Variants in DOCK3 observed in about 807,000 individuals in gnomAD.
DOCK3 encodes the protein dedicator of cytokinesis protein 3.
In DOCK3, 60 loss-of-function variants were observed where a neutral mutation model predicts 265.6. The ratio of observed to expected loss-of-function variants is 0.23; its 90% confidence interval spans 0.18 to 0.28. The LOEUF (loss-of-function observed/expected upper bound fraction) is 0.28. DOCK3 is among the 10% of genes least tolerant of loss of function. The probability of loss-of-function intolerance (pLI) is 1.00; values close to 1 mark genes in which losing one functional copy is unlikely to be tolerated. For missense variants in DOCK3, 1,981 were observed against 2,594.3 expected (o/e 0.76, Z 5.14); for synonymous variants, 881 against 938.0 (o/e 0.94, Z 1.11).
In DOCK3 at chr3:51,374,628, T is replaced by C; in HGVS notation, c.5412+41T>C. ...CACTGACTGTCCTCTGCTGCAAGTGTGTTAGCCTGTGCTTCCCTCCTTGCA... is the reference window on the plus strand; with the variant it reads ...CACTGACTGTCCTCTGCTGCAAGTGCGTTAGCCTGTGCTTCCCTCCTTGCA... On this transcript the variant is annotated intron_variant, in intron 50 of 52. Transcript: ENST00000266037. This position sits in a 1 kb window ranked among gnomAD's most constrained non-coding sequence, Gnocchi z 4.8. 6.5e-7 allele frequency: 1 copy of C among 1,549,206 alleles called. No individual in the cohort carries two copies. Among genetic ancestry groups the C allele is most frequent in the Non-Finnish European group, 8.8e-7 (1 of 1,134,702 alleles).
intron 1 of DOCK3, among the ~76,000 whole-genome samples, chr3:50,774,031 A>G (rs771520923): frequency 2.0e-5 from 3 of 152,068 alleles, no homozygotes; most frequent in Non-Finnish European, 4.4e-5. Flanking sequence ...AATATAGCCA[A>G]ATATTCCCAG....
intron 1 of DOCK3, among the ~76,000 whole-genome samples, chr3:50,725,065 T>C (rs1475995173): frequency 1.3e-5 from 2 of 151,732 alleles, no homozygotes; most frequent in Non-Finnish European, 2.9e-5. Flanking sequence ...AGATCCAACA[T>C]GTTCAAGGAA....
intron 9 of DOCK3, among the ~76,000 whole-genome samples, chr3:51,145,888 A>G (rs4927967): frequency 0.91 from 138,808 of 152,232 alleles, 63,430 homozygotes; most frequent in African/African-American, 0.95. Context: ...GCATTAGTTA[A>G]ATTCTCATAA....
intron 5 of DOCK3, among the ~76,000 whole-genome samples, chr3:50,983,705 C>T (rs1559898180): frequency 6.6e-6 from 1 of 152,184 alleles, no homozygotes; most frequent in African/African-American, 2.4e-5. Flanking sequence ...CTCCACTTGC[C>T]TGCATATCTC....
rs550376889 is a variant in DOCK3, at chr3:51,189,329, G to A, written c.1038-19445G>A. Among the ~76,000 whole-genome samples the A allele has an allele frequency of 2.0e-5, 3 of 152,092 alleles. No individual in the cohort carries two copies. The East Asian group carries it at 5.8e-4, about 29-fold the overall frequency. Reference sequence around the variant, plus strand: ...TTGGGTTACATGGATGAATTGTATAGTGGTGAAGTCAGATTTTTGTGCACC... The same window carrying A: ...TTGGGTTACATGGATGAATTGTATAATGGTGAAGTCAGATTTTTGTGCACC... On this transcript the variant is annotated intron_variant, in intron 12 of 52. Transcript: ENST00000266037.
At chr3:50,850,904 G>C (rs550744504) in intron 3 of DOCK3, among the ~76,000 whole-genome samples, 1 of 152,354 alleles carries the variant, frequency 6.6e-6, no homozygotes, top group Non-Finnish European at 1.5e-5. Flanking sequence ...TTTACTGGCA[G>C]AAGTCTCTCT....
chr3:50,949,603 C>G (rs1022668006), intron 5 of DOCK3, among the ~76,000 whole-genome samples: 1 of 152,064 alleles, frequency 6.6e-6, no homozygotes, highest in Non-Finnish European at 1.5e-5. Flanking sequence ...CCTTTAAGCT[C>G]TCTAGGATTG....
At chr3:51,332,189 G>C (rs1361210214) in intron 33 of DOCK3, among the ~76,000 whole-genome samples, 1 of 152,216 alleles carries the variant, frequency 6.6e-6, no homozygotes, top group Non-Finnish European at 1.5e-5. Context: ...AGAGAGCAAG[G>C]AATAGTGTGG....
Position 51,361,801 on chromosome 3 carries a change from G to A in DOCK3, c.5007-58G>A. 1 of 1,580,570 alleles carries A rather than the reference G, an allele frequency of 6.3e-7. No individual in the cohort carries two copies. The highest frequency in any genetic ancestry group is 8.6e-7 in the Non-Finnish European group (1 of 1,163,104). On this transcript the variant is annotated intron_variant, in intron 47 of 52. Coordinates refer to ENST00000266037, the MANE Select transcript of DOCK3 (RefSeq NM_004947.5). This position sits in a 1 kb window ranked among gnomAD's most constrained non-coding sequence, Gnocchi z 4.2. ...ACTATTCCACACATTCCGCTCTACTGTCCCCCTGCCACCTGCCATGGGCCT... is the reference window on the plus strand; with the variant it reads ...ACTATTCCACACATTCCGCTCTACTATCCCCCTGCCACCTGCCATGGGCCT...
chr3:50,809,962 A>C (rs1366676336), intron 2 of DOCK3, among the ~76,000 whole-genome samples: 1 of 152,046 alleles, frequency 6.6e-6, no homozygotes, highest in East Asian at 1.9e-4. Flanking sequence ...TAACATAGCG[A>C]GATCTTGTCT....
At chr3:50,896,885 A>C (rs1162596382) in intron 4 of DOCK3, among the ~76,000 whole-genome samples, 1 of 152,020 alleles carries the variant, frequency 6.6e-6, no homozygotes, top group Non-Finnish European at 1.5e-5. Context: ...GTTTTGGTTA[A>C]TGTAGCCTTG....
intron 5 of DOCK3, among the ~76,000 whole-genome samples, chr3:51,002,424 C>T (rs575645539): frequency 6.6e-6 from 1 of 152,280 alleles, no homozygotes; most frequent in South Asian, 2.1e-4. Context: ...TGTATCTTCA[C>T]ACAGCAAAAG....
chr3:51,296,090 T>A (rs1576691799), intron 27 of DOCK3, among the ~76,000 whole-genome samples: 1 of 152,258 alleles, frequency 6.6e-6, no homozygotes, highest in East Asian at 1.9e-4. Context: ...TTCTAAGGCA[T>A]CCACAGGAAA....
At chr3:51,277,265 T>C (rs761975738) in intron 25 of DOCK3, among the ~76,000 whole-genome samples, 1 of 152,246 alleles carries the variant, frequency 6.6e-6, no homozygotes, top group Non-Finnish European at 1.5e-5. Context: ...AGTTTTGCCT[T>C]CTCCTGACTA....
chr3:50,918,757 T>C (rs1278289572), intron 4 of DOCK3, among the ~76,000 whole-genome samples: 1 of 152,190 alleles, frequency 6.6e-6, no homozygotes. Flanking sequence ...AGAAGCTCTT[T>C]AGTTTAATTA....
In DOCK3 at chr3:51,384,111, G is replaced by A. The variant is rs1188529333; in HGVS notation, c.*2552G>A. 1.3e-5 allele frequency: 2 copies of A among 152,654 alleles called. No homozygotes were observed. The highest frequency in any genetic ancestry group is 2.9e-5 in the Non-Finnish European group (2 of 68,044). The allele number at this position is 152,654 out of a possible 1,614,324, so 9.5% of individuals were successfully genotyped here. On this transcript the variant is annotated 3_prime_UTR_variant, in exon 53 of 53. Transcript: ENST00000266037. ...CCAACAAGTAATGTGAATTTTAGAT[G>A]TAAATATCTGCCACTTGATTTTTTT... is the stretch of plus-strand genomic sequence containing the variant.
At chr3:51,297,977 C>A (rs1453696768) in intron 27 of DOCK3, among the ~76,000 whole-genome samples, 2 of 151,726 alleles carry the variant, frequency 1.3e-5, no homozygotes, top group East Asian at 1.9e-4. Flanking sequence ...CAGAGTGAGA[C>A]CCCATCTCAA....
chr3:51,064,817 T>C (rs779327422), intron 6 of DOCK3, among the ~76,000 whole-genome samples: 2 of 152,246 alleles, frequency 1.3e-5, no homozygotes, highest in Non-Finnish European at 2.9e-5. Flanking sequence ...CTGTTTTTGC[T>C]TCTGAAAAGA....
intron 2 of DOCK3, chr3:50,787,871 C>T (rs1457990182): frequency 2.8e-5 from 30 of 1,062,000 alleles, no homozygotes; most frequent in South Asian, 1.8e-4. Flanking sequence ...AGAAGAGGTA[C>T]CCTTTTCCCC....
Sources: gnomAD v4.1 joint callset for allele counts (sites outside exome capture counted in the v4.1 genomes callset) on GRCh38, gnomAD v4.1.1 for gene constraint, Gnocchi (gnomAD v3.1) non-coding constraint, MANE v1.5 for transcripts, NCBI Gene and HGNC (gene_info 2026-07-23, HGNC 2026-07-21) for gene names.